The following MDGA2 variants were observed in gnomAD, a reference collection of about 807,000 sequenced individuals.
The protein encoded by MDGA2 is MAM domain-containing glycosylphosphatidylinositol anchor protein 2.
A neutral mutation model predicts 117.8 loss-of-function variants in MDGA2; 40 were observed. The ratio of observed to expected loss-of-function variants is 0.34; its 90% confidence interval spans 0.26 to 0.44. MDGA2 has a LOEUF of 0.44. Among genes scored for constraint, MDGA2 ranks in the 20% least tolerant of loss-of-function variants. The pLI, the probability that MDGA2 is intolerant of heterozygous loss-of-function variation, is 1.00. For missense variants in MDGA2, 1,123 were observed against 1,250.6 expected (o/e 0.90, Z 1.54); for synonymous variants, 452 against 439.0 (o/e 1.03, Z -0.37).
chr14:46,910,995 G>A (rs1466153696), intron 10 of MDGA2, among the ~76,000 whole-genome samples: 1 of 152,116 alleles, frequency 6.6e-6, no homozygotes, highest in Non-Finnish European at 1.5e-5. Context: ...GCCTATTGAA[G>A]GGGTGGAGGT....
intron 5 of MDGA2, among the ~76,000 whole-genome samples, chr14:47,122,707 G>T (rs929364171): frequency 6.6e-6 from 1 of 152,048 alleles, no homozygotes; most frequent in Non-Finnish European, 1.5e-5. Context: ...ATTGTAAAAT[G>T]TATTTCTACC....
intron 1 of MDGA2, among the ~76,000 whole-genome samples, chr14:47,374,639 A>C (rs1594823634): frequency 6.6e-6 from 1 of 152,234 alleles, no homozygotes; most frequent in South Asian, 2.1e-4. Flanking sequence ...AAATGGTTTC[A>C]AATTCTGTGA....
chr14:46,906,882 A>G (rs1013030178), intron 10 of MDGA2, among the ~76,000 whole-genome samples: 4 of 152,096 alleles, frequency 2.6e-5, no homozygotes, highest in African/African-American at 9.7e-5. Flanking sequence ...TTAATGGCAC[A>G]TTAAAAATGT....
intron 1 of MDGA2, among the ~76,000 whole-genome samples, chr14:47,375,105 T>C (rs1891448468): frequency 6.6e-6 from 1 of 151,900 alleles, no homozygotes; most frequent in Non-Finnish European, 1.5e-5. Flanking sequence ...TTAAAATTTT[T>C]TAGAAAACTA....
chr14:47,637,531 T>A (rs1897345626), intron 1 of MDGA2, among the ~76,000 whole-genome samples: 1 of 152,164 alleles, frequency 6.6e-6, no homozygotes, highest in African/African-American at 2.4e-5. Flanking sequence ...TCCAAGAATA[T>A]CCTGGTGAAA....
chr14:46,941,861 C>A (rs866586714), intron 9 of MDGA2, among the ~76,000 whole-genome samples: 1 of 152,094 alleles, frequency 6.6e-6, no homozygotes, highest in African/African-American at 2.4e-5. Flanking sequence ...AGATCTAATG[C>A]AGACTCAAAA....
intron 8 of MDGA2, among the ~76,000 whole-genome samples, chr14:47,023,159 GA>G (rs1888349217): frequency 9.2e-6 from 1 of 109,204 alleles, no homozygotes; most frequent in Admixed American, 1.1e-4. Context: ...AGTTAGACAA[GA>G]ATTTTCCATC....
At chr14:47,625,575 T>TA (rs529443208) in intron 1 of MDGA2, among the ~76,000 whole-genome samples, 46 of 152,226 alleles carry the variant, frequency 3.0e-4, no homozygotes, top group African/African-American at 1.0e-3. Flanking sequence ...AACTGGCAAA[T>TA]AAAAATAGAC....
intron 8 of MDGA2, among the ~76,000 whole-genome samples, chr14:46,977,487 G>C (rs1886509503): frequency 6.6e-6 from 1 of 151,698 alleles, no homozygotes; most frequent in Non-Finnish European, 1.5e-5. Context: ...TTTTATTATT[G>C]TCCACATTTT....
intron 1 of MDGA2, among the ~76,000 whole-genome samples, chr14:47,463,766 C>A (rs1893541130): frequency 6.6e-6 from 1 of 151,846 alleles, no homozygotes; most frequent in East Asian, 1.9e-4. Context: ...GTGGCAGGCA[C>A]CTTTCATCTC....
rs60442845 is a variant in MDGA2 at position 47,018,733 on chromosome 14, GAAAAAAAAA to G, written c.1819+16269_1819+16277del. 0.017 allele frequency among the ~76,000 whole-genome samples: 665 copies of G among 38,626 alleles called. 36 individuals are homozygous for G. The East Asian group carries it at 0.2, about 12-fold the overall frequency. The allele number at this position is 38,626 out of a possible 152,430, so 25.3% of individuals were successfully genotyped here. A position where few individuals can be genotyped will look rare whatever the true frequency, so the allele number is the denominator to read the frequency against. ...ACTGTAAGGCTCAAGCCATTTTACT[GAAAAAAAAA>G]AAAAAAAAAAAAAAAAAAAAGTCTC... On this transcript the variant is annotated intron_variant, in intron 8 of 16. Transcript: ENST00000399232.
chr14:46,942,713 C>T (rs556777330), intron 9 of MDGA2, among the ~76,000 whole-genome samples: 39 of 152,190 alleles, frequency 2.6e-4, no homozygotes, highest in African/African-American at 9.4e-4. Context: ...GAAATCCATC[C>T]ACTTGCATGT....
chr14:46,938,322 T>C (rs997896398), intron 9 of MDGA2, among the ~76,000 whole-genome samples: 6 of 151,814 alleles, frequency 4.0e-5, no homozygotes, highest in African/African-American at 1.5e-4. Context: ...GTGGATCACC[T>C]GAGGTCAGGA....
intron 10 of MDGA2, among the ~76,000 whole-genome samples, chr14:46,907,955 G>A (rs137910705): frequency 0.014 from 2,098 of 152,200 alleles, 19 homozygotes; most frequent in Non-Finnish European, 0.022. Flanking sequence ...TTTGTCCTAG[G>A]AATTAGCATA....
chr14:46,928,199 T>C (rs1379047295), intron 9 of MDGA2, among the ~76,000 whole-genome samples: 1 of 152,178 alleles, frequency 6.6e-6, no homozygotes, highest in East Asian at 1.9e-4. Context: ...GAAAACTTTT[T>C]TATGAAAATC....
intron 14 of MDGA2, among the ~76,000 whole-genome samples, chr14:46,860,208 A>C (rs1441252010): frequency 6.6e-6 from 1 of 152,052 alleles, no homozygotes; most frequent in Admixed American, 6.6e-5. Flanking sequence ...TTCATCAGGC[A>C]AATGGTAACT....
At chr14:46,980,434 A>G (rs1320085130) in intron 8 of MDGA2, among the ~76,000 whole-genome samples, 3 of 152,228 alleles carry the variant, frequency 2.0e-5, no homozygotes, top group Non-Finnish European at 4.4e-5. Flanking sequence ...TCTAGTGAAG[A>G]TGCCGTGAAC....
intron 1 of MDGA2, among the ~76,000 whole-genome samples, chr14:47,485,945 C>T (rs968189414): frequency 6.6e-6 from 1 of 152,192 alleles, no homozygotes; most frequent in Non-Finnish European, 1.5e-5. Flanking sequence ...AGAACCTCTG[C>T]TAGGGCAGTG....
At chr14:47,205,720 T>G (rs1296095412) in intron 3 of MDGA2, among the ~76,000 whole-genome samples, 1 of 152,000 alleles carries the variant, frequency 6.6e-6, no homozygotes, top group African/African-American at 2.4e-5. Context: ...AAATTCACAA[T>G]TTTGCAAGTC....
Sources: allele counts gnomAD v4.1 joint callset (sites outside exome capture counted in the v4.1 genomes callset), GRCh38; gene constraint gnomAD v4.1.1; transcripts MANE v1.5; gene names NCBI Gene and HGNC (gene_info 2026-07-23, HGNC 2026-07-21).